Variants in TRPM1 observed in about 807,000 individuals in gnomAD.
TRPM1 encodes the protein TRPM1-203 APA Isoform, Intron 10.
Under a neutral mutation model 149.4 loss-of-function variants are expected in TRPM1, and 113 were observed. The ratio of observed to expected loss-of-function variants is 0.76; its 90% confidence interval spans 0.65 to 0.88. TRPM1 has a LOEUF of 0.88. Ranked by LOEUF, TRPM1 falls within the 40% of genes least tolerant of loss-of-function variation. The pLI is 0.00. For missense variants in TRPM1, 1,976 were observed against 2,038.7 expected (o/e 0.97, Z 0.59); for synonymous variants, 741 against 759.5 (o/e 0.98, Z 0.40).
At chr15:31,063,700 G>C (rs994137687) in intron 7 of TRPM1, among the ~76,000 whole-genome samples, 6 of 152,110 alleles carry the variant, frequency 3.9e-5, no homozygotes, top group African/African-American at 1.4e-4. Flanking sequence ...TGATCCACCT[G>C]CCTTGGCCTC....
intron 25 of TRPM1, among the ~76,000 whole-genome samples, chr15:31,027,416 G>A (rs578019060): frequency 1.4e-4 from 22 of 152,170 alleles, no homozygotes; most frequent in African/African-American, 5.1e-4. Flanking sequence ...TATGTGTAGC[G>A]GTATAAGCCA....
At chr15:31,055,859 G>C (rs2034068310) in intron 11 of TRPM1, among the ~76,000 whole-genome samples, 1 of 152,124 alleles carries the variant, frequency 6.6e-6, no homozygotes, top group Non-Finnish European at 1.5e-5. Context: ...GAGCATTTGA[G>C]AAAATCAACA....
intron 19 of TRPM1, 85 bp downstream of exon 19, chr15:31,037,959 A>G (rs2033472553): frequency 6.2e-7 from 1 of 1,612,396 alleles, no homozygotes; most frequent in African/African-American, 1.3e-5. Flanking sequence ...AACCAGTGAG[A>G]TTTCTCAATC....
chr15:31,062,167 AAG>A (rs2034251745), intron 9 of TRPM1, among the ~76,000 whole-genome samples: 1 of 152,176 alleles, frequency 6.6e-6, no homozygotes, highest in Non-Finnish European at 1.5e-5. Context: ...TAGAATTTTG[AAG>A]AGGCCATCTT....
In TRPM1 at chr15:31,050,576, C is replaced by T. The variant is rs748968464; in HGVS notation, c.1270G>A (p.Gly424Arg). 2.5e-6 allele frequency: 4 copies of T among 1,614,046 alleles called. No homozygotes were observed. Among genetic ancestry groups the T allele is most frequent in the Non-Finnish European group, 2.5e-6 (3 of 1,180,012 alleles). ...CTGTCCGTCGGGGGTGCCAGGCTTC[C>T]CAGGGGCTGCAGTCCACAGCAATCA... ...FVFGPHWPPL[G>R]SLAPPTDSKA... Residue 424 changes from glycine to arginine, a missense_variant, in exon 12 of 28, where the codon GGA (glycine) becomes AGA (arginine). Physicochemically the swap from Gly to Arg is moderately radical, Grantham distance 125. Around this residue, in one of 3 missense-constraint regions of TRPM1, gnomAD observed 1,332 missense variants for 1,347.1 expected, o/e 0.99. Coordinates refer to ENST00000256552, the MANE Select transcript of TRPM1 (RefSeq NM_001252024.2).
intron 1 of TRPM1, among the ~76,000 whole-genome samples, chr15:31,100,183 T>C (rs1340357155): frequency 6.6e-6 from 1 of 151,038 alleles, no homozygotes; most frequent in Non-Finnish European, 1.5e-5. Flanking sequence ...GGGTTCAACC[T>C]CTCCTGCCTC....
chr15:31,028,960 A>C (rs951366827), intron 24 of TRPM1, among the ~76,000 whole-genome samples: 2 of 152,064 alleles, frequency 1.3e-5, no homozygotes, highest in Non-Finnish European at 2.9e-5. Flanking sequence ...TGTGGCTTCT[A>C]ATTATTTAAC....
At chr15:31,123,765 A>C (rs756636127) in intron 1 of TRPM1, among the ~76,000 whole-genome samples, 1 of 152,212 alleles carries the variant, frequency 6.6e-6, no homozygotes, top group Non-Finnish European at 1.5e-5. Context: ...GCCACTTTGT[A>C]AGACAGTCTG....
intron 1 of TRPM1, among the ~76,000 whole-genome samples, chr15:31,129,054 C>A (rs2035986350): frequency 6.6e-6 from 1 of 152,216 alleles, no homozygotes. Flanking sequence ...AGGAAGCCTG[C>A]TGGAGGCTCA....
At chr15:31,082,005 A>G (rs1297005400) in intron 1 of TRPM1, among the ~76,000 whole-genome samples, 1 of 152,148 alleles carries the variant, frequency 6.6e-6, no homozygotes, top group East Asian at 1.9e-4. Context: ...TCTGGGGCTG[A>G]ACAATGCCAA....
At chr15:31,060,737 G>C in intron 10 of TRPM1, 93 bp from the exon 11 acceptor site, 6 of 981,266 alleles carry the variant, frequency 6.1e-6, no homozygotes, top group Non-Finnish European at 9.6e-6. Flanking sequence ...GCTTCCCTTG[G>C]GCTGCTGGCC....
At chr15:31,021,065 C>T (rs1344664208) in intron 27 of TRPM1, among the ~76,000 whole-genome samples, 1 of 152,118 alleles carries the variant, frequency 6.6e-6, no homozygotes, top group Non-Finnish European at 1.5e-5. Flanking sequence ...GGGTGTCATC[C>T]ACTGGCACAT....
intron 1 of TRPM1, among the ~76,000 whole-genome samples, chr15:31,141,210 G>A (rs2036156879): frequency 1.3e-5 from 2 of 151,824 alleles, no homozygotes; most frequent in Admixed American, 6.6e-5. Context: ...TGTTCTATGA[G>A]GAATCACATA....
At position 31,013,251 on chromosome 15, in the gene TRPM1, T is replaced by A. The variant is rs372122485; in HGVS notation, c.3630-10181A>T. ...GTCTTGAACTCCTGGCTTCAAGCAA[T>A]CCTCCCTCCTTGGTCTCCCAAAGCT... On this transcript the variant is annotated intron_variant, in intron 27 of 27. Transcript: ENST00000256552. Among the ~76,000 whole-genome samples, 29 of 152,248 alleles carry A rather than the reference T, an allele frequency of 1.9e-4. No homozygotes were observed. In the South Asian group the frequency reaches 5.4e-3, roughly 28 times the overall value.
intron 11 of TRPM1, among the ~76,000 whole-genome samples, chr15:31,058,188 A>T (rs1251162227): frequency 6.0e-5 from 1 of 16,688 alleles, no homozygotes; most frequent in African/African-American, 1.4e-4. Context: ...AAATACTTAA[A>T]AAAAAAAAAG....
chr15:31,081,429 C>T lies in TRPM1; in HGVS notation c.-74G>A, dbSNP rs2034855721. 6.5e-7 allele frequency: 1 copy of T among 1,533,068 alleles called. No homozygotes were observed. Among genetic ancestry groups the T allele is most frequent in the Non-Finnish European group, 8.7e-7 (1 of 1,145,098 alleles). 95.0% of individuals were successfully genotyped at this position (1,533,068 alleles called of 1,614,324 possible). On this transcript the variant is annotated 5_prime_UTR_variant, in exon 2 of 28. Coordinates refer to ENST00000256552, the MANE Select transcript of TRPM1 (RefSeq NM_001252024.2). ...AAGTTACTGCTGAGTCCTCAGAAAT[C>T]TTCTAGAACCTACGAGGATAAACAA...
chr15:31,126,897 G>A (rs1277769774), intron 1 of TRPM1, among the ~76,000 whole-genome samples: 2 of 152,192 alleles, frequency 1.3e-5, no homozygotes, highest in African/African-American at 2.4e-5. Context: ...AACCCGGGAG[G>A]TGGAGGTTGC....
chr15:31,147,589 G>A (rs1457569814), intron 1 of TRPM1, among the ~76,000 whole-genome samples: 2 of 152,204 alleles, frequency 1.3e-5, no homozygotes, highest in African/African-American at 4.8e-5. Flanking sequence ...AGTGGCTCTT[G>A]TTCATCACTC....
intron 27 of TRPM1, 151 bp downstream of exon 27, chr15:31,025,988 T>A (rs977588512): frequency 9.1e-7 from 1 of 1,101,974 alleles, no homozygotes. Flanking sequence ...TTCTCACTAT[T>A]TCGTGGGAAC....
Sources: gnomAD v4.1 joint callset for allele counts (sites outside exome capture counted in the v4.1 genomes callset) on GRCh38, gnomAD v4.1.1 for gene constraint, gnomAD v4.1.1 regional missense constraint, MANE v1.5 for transcripts, NCBI Gene and HGNC (gene_info 2026-07-23, HGNC 2026-07-21) for gene names.